The following GRIK4 variants were observed in gnomAD, a reference collection of about 807,000 sequenced individuals.
The protein encoded by GRIK4 is glutamate ionotropic receptor kainate type subunit 4, also known as glutamate receptor ionotropic, kainate 4.
A neutral mutation model predicts 104.9 loss-of-function variants in GRIK4; 40 were observed. That is an observed-to-expected ratio of 0.38 (90% CI 0.30 to 0.50). GRIK4 has a LOEUF of 0.50. Among genes scored for constraint, GRIK4 ranks in the 20% least tolerant of loss-of-function variants. GRIK4 has a pLI of 0.93. For missense variants in GRIK4, 1,047 were observed against 1,308.1 expected (o/e 0.80, Z 3.08); for synonymous variants, 485 against 524.9 (o/e 0.92, Z 1.04).
At chr11:120,532,446 A>G (rs1028916872) in intron 1 of GRIK4, among the ~76,000 whole-genome samples, 2 of 152,108 alleles carry the variant, frequency 1.3e-5, no homozygotes, top group Non-Finnish European at 2.9e-5. Context: ...GGGAGAGGGT[A>G]TTGTTTAGAC....
chr11:120,623,980 C>G (rs1363610120), intron 1 of GRIK4, among the ~76,000 whole-genome samples: 5 of 149,496 alleles, frequency 3.3e-5, no homozygotes, highest in Non-Finnish European at 7.4e-5. Flanking sequence ...CCCTCTTCCT[C>G]CTCCCTCTCC....
intron 13 of GRIK4, among the ~76,000 whole-genome samples, chr11:120,907,145 A>C (rs17124528): frequency 0.014 from 2,136 of 152,262 alleles, 54 homozygotes; most frequent in African/African-American, 0.049. Context: ...CATTCTTCTT[A>C]TTTGGTTTCC....
In GRIK4 at chr11:120,711,000, G is replaced by GC. The variant is rs1950724002; in HGVS notation, c.82+50600_82+50601insC. Reference sequence around the variant, plus strand: ...AGCCTCGCTTGCCCCTGTGAGGTGGGGAGGGGGTGTGAGCAGCTGCAGGGC... The same window carrying GC: ...AGCCTCGCTTGCCCCTGTGAGGTGGGCGAGGGGGTGTGAGCAGCTGCAGGGC... On this transcript the variant is annotated intron_variant, in intron 3 of 20. Transcript: ENST00000527524. Among the ~76,000 whole-genome samples, 4 of 150,090 alleles carry GC rather than the reference G, an allele frequency of 2.7e-5. No individual in the cohort carries two copies. The South Asian group carries it at 6.5e-4, about 24-fold the overall frequency.
At chr11:120,758,008 G>A (rs1420281471) in intron 3 of GRIK4, among the ~76,000 whole-genome samples, 1 of 152,200 alleles carries the variant, frequency 6.6e-6, no homozygotes, top group Non-Finnish European at 1.5e-5. Context: ...TAGCCCAGGA[G>A]TGGGCGTTAG....
chr11:120,780,251 A>G (rs1458272435), intron 3 of GRIK4, among the ~76,000 whole-genome samples: 1 of 152,208 alleles, frequency 6.6e-6, no homozygotes, highest in African/African-American at 2.4e-5. Flanking sequence ...TACAACCATC[A>G]CCACTATCTA....
chr11:120,870,320 A>G (rs1012024427), intron 9 of GRIK4: 2 of 152,228 alleles, frequency 1.3e-5, no homozygotes, highest in African/African-American at 2.4e-5. Context: ...TAGGCAGCCA[A>G]TGGCTAATGG....
intron 3 of GRIK4, among the ~76,000 whole-genome samples, chr11:120,735,283 G>C (rs1348037723): frequency 6.6e-6 from 1 of 152,218 alleles, no homozygotes; most frequent in African/African-American, 2.4e-5. Context: ...GGCTCTTGCA[G>C]ACTCACAGAG....
chr11:120,927,565 CAAAAAAA>C (rs56223442), intron 13 of GRIK4, among the ~76,000 whole-genome samples: 18 of 101,586 alleles, frequency 1.8e-4, no homozygotes, highest in African/African-American at 5.4e-4. Flanking sequence ...GACTCTGTCT[CAAAAAAA>C]AAAAAAAAAA....
chr11:120,985,990 A>T lies in GRIK4; in HGVS notation c.2601A>T (p.Ala867=), dbSNP rs1301477335. Residue 867 remains alanine (A), a synonymous_variant, in exon 21 of 21, where the codon GCA becomes GCT. Coordinates refer to ENST00000527524, the MANE Select transcript of GRIK4 (RefSeq NM_014619.5). ...TCCACCCCCGCCGGCGGCGCGCCGC[A>T]GTCCCGCCGCCCCGGCCCCCCATCC... ...DSIHPRRRRA[A]VPPPRPPIPE... 3 of 1,532,130 alleles carry T rather than the reference A, an allele frequency of 2.0e-6. No homozygotes were observed. The highest frequency in any genetic ancestry group is 2.6e-6 in the Non-Finnish European group (3 of 1,139,750). The allele number at this position is 1,532,130 out of a possible 1,614,324, so 94.9% of individuals were successfully genotyped here.
intron 3 of GRIK4, among the ~76,000 whole-genome samples, chr11:120,720,658 C>G (rs1292541889): frequency 6.6e-6 from 1 of 151,972 alleles, no homozygotes. Context: ...GGTGCTGGCA[C>G]CAGGATAGGC....
chr11:120,519,220 A>G (rs951870166), intron 1 of GRIK4, among the ~76,000 whole-genome samples: 4 of 152,226 alleles, frequency 2.6e-5, no homozygotes, highest in African/African-American at 9.6e-5. Context: ...AGTACAATGC[A>G]AAGTACTTTC....
chr11:120,647,540 G>A (rs1949559736), intron 1 of GRIK4, among the ~76,000 whole-genome samples: 1 of 152,202 alleles, frequency 6.6e-6, no homozygotes, highest in African/African-American at 2.4e-5. Context: ...CAGGAACAAT[G>A]GGCTCCTGCC....
intron 11 of GRIK4, among the ~76,000 whole-genome samples, chr11:120,888,560 G>A (rs961968732): frequency 2.0e-5 from 3 of 152,120 alleles, no homozygotes; most frequent in Non-Finnish European, 2.9e-5. Context: ...GTTCATTGAT[G>A]CAAAAGAATA....
intron 19 of GRIK4, among the ~76,000 whole-genome samples, chr11:120,968,745 C>T (rs1322511137): frequency 6.6e-6 from 1 of 152,194 alleles, no homozygotes; most frequent in African/African-American, 2.4e-5. Flanking sequence ...ATGGGCAGAC[C>T]TCATTTCAGT....
intron 11 of GRIK4, among the ~76,000 whole-genome samples, chr11:120,889,107 C>G (rs975698743): frequency 1.3e-5 from 2 of 152,132 alleles, no homozygotes; most frequent in African/African-American, 4.8e-5. Flanking sequence ...CCCTTTGTTC[C>G]CCAGATCACC....
At chr11:120,805,482 A>G (rs1952693669) in intron 4 of GRIK4, among the ~76,000 whole-genome samples, 1 of 152,192 alleles carries the variant, frequency 6.6e-6, no homozygotes, top group Non-Finnish European at 1.5e-5. Flanking sequence ...GGAAACAGGT[A>G]TCTTTATTCC....
chr11:120,526,872 G>A (rs1051298576), intron 1 of GRIK4, among the ~76,000 whole-genome samples: 7 of 152,174 alleles, frequency 4.6e-5, no homozygotes, highest in Non-Finnish European at 8.8e-5. Flanking sequence ...AAAAAAGTTC[G>A]TTTTTAAAGT....
intron 3 of GRIK4, among the ~76,000 whole-genome samples, chr11:120,669,087 A>T (rs1030171644): frequency 1.2e-4 from 18 of 152,172 alleles, no homozygotes; most frequent in Non-Finnish European, 8.8e-5. Context: ...CCTGCTTTAA[A>T]TTCACCTTGT....
chr11:120,716,625 C>T (rs1950840090), intron 3 of GRIK4, among the ~76,000 whole-genome samples: 1 of 152,200 alleles, frequency 6.6e-6, no homozygotes, highest in Non-Finnish European at 1.5e-5. Context: ...AAGATGCAGT[C>T]TCTGCCTTCT....
Sources: allele counts gnomAD v4.1 joint callset (sites outside exome capture counted in the v4.1 genomes callset), GRCh38; gene constraint gnomAD v4.1.1; transcripts MANE v1.5; gene names NCBI Gene and HGNC (gene_info 2026-07-23, HGNC 2026-07-21).